The following MFN2 variants were observed in gnomAD, a reference collection of about 807,000 sequenced individuals.
MFN2 encodes the protein mitofusin-2.
MFN2 carries 43 observed loss-of-function variants against 87.5 expected under a neutral mutation model. The ratio of observed to expected loss-of-function variants is 0.49; its 90% CI spans 0.38 to 0.63. MFN2 has a LOEUF of 0.63. MFN2 is among the 30% of genes least tolerant of loss of function. MFN2 has a pLI of 0.00. For synonymous variants in MFN2, 337 were observed against 359.9 expected (o/e 0.94, Z 0.72); for missense variants, 743 against 972.8 (o/e 0.76, Z 3.14).
In MFN2 at chr1:12,001,400, G is replaced by T. The variant is rs1280439510; in HGVS notation, c.817-1G>T. On this transcript the variant is annotated splice_acceptor_variant, in intron 8 of 18. Coordinates refer to ENST00000235329, the MANE Select transcript of MFN2 (RefSeq NM_014874.4). LOFTEE classifies it high-confidence loss of function. ...TCTGGACACATTTGTTTGGGCTCCA[G>T]GTGCGGCGGCAGCACATGGAGCGTT... is the stretch of plus-strand genomic sequence containing the variant. The T allele has an allele frequency of 6.2e-7, 1 of 1,613,382 alleles. No individual in the cohort carries two copies. The highest frequency in any genetic ancestry group is 8.5e-7 in the Non-Finnish European group (1 of 1,179,886).
chr1:12,005,565 C>T (rs550992965), intron 14 of MFN2, 146 bp from the exon 15 acceptor site: 64 of 859,348 alleles, frequency 7.4e-5, no homozygotes, highest in East Asian at 2.9e-4. Flanking sequence ...CTCAGTCTCA[C>T]GGGCCAACTT....
chr1:12,003,947 TAGTC>T lies in MFN2; in HGVS notation c.1161-42_1161-39del. The T allele has an allele frequency of 1.9e-6, 3 of 1,613,682 alleles. No homozygotes were observed. The highest frequency in any genetic ancestry group is 2.5e-6 in the Non-Finnish European group (3 of 1,179,726). On this transcript the variant is annotated intron_variant, in intron 11 of 18. Coordinates refer to ENST00000235329, the MANE Select transcript of MFN2 (RefSeq NM_014874.4). This position sits in a 1 kb window ranked among gnomAD's most constrained non-coding sequence, Gnocchi z 4.1. Reference sequence around the variant, plus strand: ...TGGCATCCCCTCTTGCTCCTCTGCTTAGTCAGACAGGAACATGGATTTCTCACCA... The same window carrying T: ...TGGCATCCCCTCTTGCTCCTCTGCTTAGACAGGAACATGGATTTCTCACCA...
chr1:12,011,799 A>G lies in MFN2; in HGVS notation c.*234A>G, dbSNP rs1447876670. The G allele has an allele frequency of 1.0e-5, 6 of 593,952 alleles. No homozygotes were observed. Among genetic ancestry groups the G allele is most frequent in the South Asian group, 2.0e-5 (1 of 50,786 alleles). 36.8% of individuals were successfully genotyped at this position (593,952 alleles called of 1,614,324 possible). ...CCAAAGGACACTTTCAGCGACAGCT[A>G]TGGACAGCATGGTACCAAGGAGTTA... On this transcript the variant is annotated 3_prime_UTR_variant, in exon 19 of 19. Transcript: ENST00000235329.
chr1:12,000,166 C>G (rs1173547834), intron 8 of MFN2, among the ~76,000 whole-genome samples: 1 of 151,916 alleles, frequency 6.6e-6, no homozygotes, highest in Non-Finnish European at 1.5e-5. Context: ...ATAAAACATG[C>G]AGTTGCAGTC....
rs370580356 is a variant in MFN2 at position 12,009,663 on chromosome 1, T to C, written c.2141T>C (p.Ile714Thr). 2.5e-6 allele frequency: 4 copies of C among 1,614,044 alleles called. No homozygotes were observed. The South Asian group carries it at 4.4e-5, about 18-fold the overall frequency. Residue 714 changes from isoleucine (I) to threonine (T), a missense_variant, in exon 18 of 19, where the codon ATT becomes ACT. Transcript: ENST00000235329. ...ACCCGGGAGAACCTGGAGCAGGAAATTGCCGCCATGAACAAGAAAATTGAG... is the reference window on the plus strand; with the variant it reads ...ACCCGGGAGAACCTGGAGCAGGAAACTGCCGCCATGAACAAGAAAATTGAG... ...DVTRENLEQE[I>T]AAMNKKIEVL...
chr1:12,003,025 AC>A lies in MFN2; in HGVS notation c.1160+923del, dbSNP rs144232213. Among the ~76,000 whole-genome samples, 231 of 152,248 alleles carry A rather than the reference AC, an allele frequency of 1.5e-3. 1 individual carries two copies. Among genetic ancestry groups the A allele is most frequent in the African/African-American group, 5.0e-3 (208 of 41,536 alleles). ...ATGTGTAGTTTGTTTATGAATCGGAACTGCTGTAGTATATTCCATTGTGAAT... is the reference window on the plus strand; with the variant it reads ...ATGTGTAGTTTGTTTATGAATCGGAATGCTGTAGTATATTCCATTGTGAAT... On this transcript the variant is annotated intron_variant, in intron 11 of 18. Coordinates refer to ENST00000235329, the MANE Select transcript of MFN2 (RefSeq NM_014874.4). The surrounding 1 kb of genome is among the most constrained non-coding windows in gnomAD (Gnocchi z 4.1).
rs376598131 is a variant in MFN2 at position 12,005,744 on chromosome 1, G to A, written c.1529G>A (p.Arg510Gln). 311 of 1,614,156 alleles carry A rather than the reference G, an allele frequency of 1.9e-4. 7 individuals carry two copies. In the South Asian group the frequency reaches 2.7e-3, roughly 14 times the overall value. Residue 510 changes from arginine (R) to glutamine (Q), a missense_variant, in exon 15 of 19, where the codon CGG becomes CAG. Transcript: ENST00000235329. ...AAACCCCTCCTTCCTGTGTCTGTGCGGAGTCAGATAGACATGCTGGTCCCA... is the reference window on the plus strand; with the variant it reads ...AAACCCCTCCTTCCTGTGTCTGTGCAGAGTCAGATAGACATGCTGGTCCCA... The part of the protein sequence containing the change: ...GLKPLLPVSV[R>Q]SQIDMLVPRQ...
At position 12,004,514 on chromosome 1, in the gene MFN2, G is replaced by A. The variant is rs751915674; in HGVS notation, c.1293G>A (p.Ser431=). 11 of 1,613,964 alleles carry A rather than the reference G, an allele frequency of 6.8e-6. No homozygotes were observed. The highest frequency in any genetic ancestry group is 2.2e-5 in the East Asian group (1 of 44,878). ...TGTGCTTCCTTTTGCTGTAGGTGTC[G>A]ACTGCAATGGCCGAGGAGATCAGGC... ...QITEEVERQV[S]TAMAEEIRRL... The change falls in exon 13 of 19, where the codon TCG becomes TCA. Residue 431 remains serine, a synonymous_variant. Transcript: ENST00000235329. This position sits in a 1 kb window ranked among gnomAD's most constrained non-coding sequence, Gnocchi z 4.2.
intron 14 of MFN2, among the ~76,000 whole-genome samples, chr1:12,005,257 A>G (rs1639357816): frequency 1.3e-5 from 2 of 151,960 alleles, no homozygotes; most frequent in African/African-American, 2.4e-5. Flanking sequence ...ATTTTTTTGT[A>G]TTTTTAGTAG....
intron 5 of MFN2, among the ~76,000 whole-genome samples, chr1:11,996,901 G>C (rs1238895327): frequency 6.6e-6 from 1 of 152,132 alleles, no homozygotes; most frequent in Non-Finnish European, 1.5e-5. Flanking sequence ...AGCTGGGCGT[G>C]GTGGTAGGCA....
rs540430409 is a variant in MFN2, at chr1:12,001,796, T to G, written c.998T>G (p.Val333Gly). The change falls in exon 10 of 19, where the codon GTG becomes GGG. Residue 333 changes from valine (V) to glycine (G), a missense_variant. Transcript: ENST00000235329. ...GGCGCTCTCGCAGAAGGCTTTCAAGTGAGGATGTTTGAGTTTCAGAATTTT... is the reference window on the plus strand; with the variant it reads ...GGCGCTCTCGCAGAAGGCTTTCAAGGGAGGATGTTTGAGTTTCAGAATTTT... ...GGGALAEGFQVRMFEFQNFER... is the reference protein window; with the variant it reads ...GGGALAEGFQGRMFEFQNFER... The G allele has an allele frequency of 6.2e-7, 1 of 1,614,104 alleles. No individual in the cohort carries two copies. The highest frequency in any genetic ancestry group is 1.1e-5 in the South Asian group (1 of 91,084).
chr1:11,998,134 AG>A (rs1639009774), intron 6 of MFN2, among the ~76,000 whole-genome samples: 1 of 151,108 alleles, frequency 6.6e-6, no homozygotes. Flanking sequence ...CGCCCACCTT[AG>A]CCTCCCAAAG....
intron 1 of MFN2, 60 bp downstream of exon 1, chr1:11,980,544 G>C: frequency 2.5e-6 from 1 of 397,938 alleles, no homozygotes; most frequent in Non-Finnish European, 4.4e-6. Flanking sequence ...GGCGAGTCCT[G>C]AGCAGCTCGG....
chr1:12,000,558 A>G (rs774415082), intron 8 of MFN2, among the ~76,000 whole-genome samples: 1 of 152,188 alleles, frequency 6.6e-6, no homozygotes, highest in Non-Finnish European at 1.5e-5. Flanking sequence ...TTTCCTGGCC[A>G]GTGTGATGGT....
chr1:11,981,800 T>C (rs1304953965), intron 1 of MFN2, 170 bp from the exon 2 acceptor site: 1 of 152,204 alleles, frequency 6.6e-6, no homozygotes, highest in East Asian at 1.9e-4. Context: ...CTCTGCGTTT[T>C]TTTCCCCAGG....
intron 2 of MFN2, among the ~76,000 whole-genome samples, chr1:11,987,056 T>C (rs1161339357): frequency 6.6e-6 from 1 of 152,202 alleles, no homozygotes; most frequent in Non-Finnish European, 1.5e-5. Context: ...ACGCCTGTAT[T>C]CCCAGCACTT....
rs74052925 is a variant in MFN2, at chr1:12,006,056, C to T, written c.1716+125C>T. The T allele has an allele frequency of 0.013, 10,235 of 789,088 alleles. 652 individuals are homozygous for T. The African/African-American group carries it at 0.15, about 12-fold the overall frequency. 48.9% of individuals were successfully genotyped at this position (789,088 alleles called of 1,614,324 possible). A position where few individuals can be genotyped will look rare whatever the true frequency, so the allele number is the denominator to read the frequency against. On this transcript the variant is annotated intron_variant, in intron 15 of 18. Coordinates refer to ENST00000235329, the MANE Select transcript of MFN2 (RefSeq NM_014874.4). Reference sequence around the variant, plus strand: ...GCAGCTGTGGTGGTGTGCCCCACCACACAGTACACCACAGACAGAATTTTT... The same window carrying T: ...GCAGCTGTGGTGGTGTGCCCCACCATACAGTACACCACAGACAGAATTTTT...
intron 18 of MFN2, 122 bp from the exon 19 acceptor site, chr1:12,011,374 C>CA: frequency 1.9e-6 from 2 of 1,035,056 alleles, no homozygotes; most frequent in East Asian, 2.5e-5. Context: ...CAGGGATAAA[C>CA]ACGATTGTTG....
chr1:11,998,742 T>C (rs753481284), intron 6 of MFN2, 28 bp from the exon 7 acceptor site: 1 of 1,599,104 alleles, frequency 6.3e-7, no homozygotes, highest in East Asian at 2.2e-5. Context: ...CTCTGCCTGA[T>C]GATTTGGTTT....
Sources: gnomAD v4.1 joint callset for allele counts (sites outside exome capture counted in the v4.1 genomes callset) on GRCh38, gnomAD v4.1.1 for gene constraint, Gnocchi (gnomAD v3.1) non-coding constraint, MANE v1.5 for transcripts, NCBI Gene and HGNC (gene_info 2026-07-23, HGNC 2026-07-21) for gene names.